Variants in WDR20 observed in about 807,000 individuals in gnomAD.
WDR20 encodes WD repeat domain 20, also known as WD repeat-containing protein 20.
WDR20 carries 3 observed loss-of-function variants against 38.7 expected under a neutral mutation model. That is an observed-to-expected ratio of 0.08 (90% CI 0.04 to 0.20). WDR20 has a LOEUF of 0.20. Ranked by LOEUF, WDR20 falls within the 10% of genes least tolerant of loss-of-function variation. The pLI is 1.00. For missense variants in WDR20, 559 were observed against 727.7 expected (o/e 0.77, Z 2.67); for synonymous variants, 298 against 285.6 (o/e 1.04, Z -0.44).
upstream of WDR20, chr14:102,139,770 C>G: frequency 8.6e-7 from 1 of 1,169,268 alleles, no homozygotes; most frequent in Non-Finnish European, 1.2e-6. Flanking sequence ...CAAGCCCACC[C>G]CTTCCCTTTG....
chr14:102,218,970 AAAGG>A (rs1166975630), downstream of WDR20, among the ~76,000 whole-genome samples: 1 of 152,172 alleles, frequency 6.6e-6, no homozygotes, highest in Non-Finnish European at 1.5e-5. Flanking sequence ...TCTCCCATGA[AAAGG>A]AAGCAGAAGG....
At chr14:102,158,352 C>T (rs1470891415) in intron 1 of WDR20, among the ~76,000 whole-genome samples, 2 of 152,040 alleles carry the variant, frequency 1.3e-5, no homozygotes, top group Non-Finnish European at 1.5e-5. Context: ...GGCTGGAGTG[C>T]AATGGCGTGA....
At chr14:102,144,997 C>T (rs995370807) in intron 1 of WDR20, among the ~76,000 whole-genome samples, 1 of 152,218 alleles carries the variant, frequency 6.6e-6, no homozygotes, top group African/African-American at 2.4e-5. Context: ...CTTAGAGCAT[C>T]TTGTGCTTTG....
At chr14:102,215,341 C>T (rs922580157), downstream of WDR20, among the ~76,000 whole-genome samples, 2 of 152,176 alleles carry the variant, frequency 1.3e-5, no homozygotes, top group Admixed American at 6.5e-5. Flanking sequence ...TCCTGGGCCA[C>T]GAGCTGGCTT....
At chr14:102,173,815 C>T (rs971342979) in intron 1 of WDR20, among the ~76,000 whole-genome samples, 3 of 151,924 alleles carry the variant, frequency 2.0e-5, no homozygotes, top group Non-Finnish European at 4.4e-5. Flanking sequence ...GAGGCCAAGG[C>T]GGGCAGATCA....
downstream of WDR20, chr14:102,212,953 A>C (rs1238086455): frequency 1.2e-5 from 12 of 1,018,410 alleles, no homozygotes; most frequent in Non-Finnish European, 1.3e-5. Flanking sequence ...GCGTGTACCA[A>C]ACCACAGAGA....
downstream of WDR20, among the ~76,000 whole-genome samples, chr14:102,217,353 C>G (rs1393629560): frequency 2.0e-5 from 3 of 152,178 alleles, no homozygotes; most frequent in Admixed American, 2.0e-4. Context: ...GCAGCGGAGC[C>G]CTTAGATGGT....
intron 1 of WDR20, among the ~76,000 whole-genome samples, chr14:102,172,641 G>A (rs1425224321): frequency 6.9e-6 from 1 of 145,504 alleles, no homozygotes; most frequent in African/African-American, 2.5e-5. Flanking sequence ...CTCCCGGACG[G>A]GGCGGCTGGC....
At chr14:102,178,786 C>T (rs2062732058) in intron 1 of WDR20, 1 of 152,064 alleles carries the variant, frequency 6.6e-6, no homozygotes, top group African/African-American at 2.4e-5. Context: ...GTTTCTATCT[C>T]ATCACAGCTC....
At chr14:102,223,562 A>G (rs1380773629) in exon 4 of WDR20, 1 of 152,616 alleles carries the variant, frequency 6.6e-6, no homozygotes, top group Non-Finnish European at 1.5e-5. Flanking sequence ...TTATATGTAT[A>G]AATATTGTAA....
At chr14:102,189,228 GAAGAAA>G (rs1238880619) in intron 1 of WDR20, among the ~76,000 whole-genome samples, 1 of 151,996 alleles carries the variant, frequency 6.6e-6, no homozygotes, top group Non-Finnish European at 1.5e-5. Context: ...TAATAGTAAT[GAAGAAA>G]AAGAAAAAGT....
intron 1 of WDR20, among the ~76,000 whole-genome samples, chr14:102,180,607 A>C (rs2063185649): frequency 6.6e-6 from 1 of 152,208 alleles, no homozygotes. Flanking sequence ...TGTGGGCAAC[A>C]AGAAAAGTGG....
chr14:102,214,722 C>A (rs1472192405), downstream of WDR20: 1 of 980,664 alleles, frequency 1.0e-6, no homozygotes. Flanking sequence ...TATTTTCATC[C>A]AATTTCTTGA....
At chr14:102,161,142 A>ATATATATATATATATATATATATATAT (rs1342924049) in intron 1 of WDR20, among the ~76,000 whole-genome samples, 1 of 16,050 alleles carries the variant, frequency 6.2e-5, no homozygotes, top group Non-Finnish European at 9.5e-5. Context: ...ATATATATAT[A>ATATATATATATATATATATATATATAT]TTTTTTTTTT....
At chr14:102,199,377 C>G (rs2059932588) in intron 2 of WDR20, among the ~76,000 whole-genome samples, 1 of 151,990 alleles carries the variant, frequency 6.6e-6, no homozygotes, top group Non-Finnish European at 1.5e-5. Context: ...GAAACTCAGG[C>G]TTCCTTTCCT....
At chr14:102,197,145 A>G (rs2059546673) in intron 2 of WDR20, among the ~76,000 whole-genome samples, 1 of 152,138 alleles carries the variant, frequency 6.6e-6, no homozygotes, top group Admixed American at 6.5e-5. Context: ...CATTTTACAG[A>G]TGAGGAAATA....
At chr14:102,214,809 TAATG>T (rs2063014044), downstream of WDR20, 1 of 980,264 alleles carries the variant, frequency 1.0e-6, no homozygotes, top group Non-Finnish European at 1.2e-6. Flanking sequence ...TTGCAATAAT[TAATG>T]AAACTTTAGT....
At position 102,177,102 on chromosome 14, in the gene WDR20, T is replaced by C. The variant is rs1327728156; in HGVS notation, c.250-17836T>C. ...GGTTCACTTTACTGATGACATCAAA[T>C]CCAAGCTAAGCCTAGTAAGTTACCC... On this transcript the variant is annotated intron_variant, in intron 1 of 2. Coordinates refer to ENST00000342702, the MANE Select transcript of WDR20 (RefSeq NM_144574.4). Among the ~76,000 whole-genome samples the C allele has an allele frequency of 6.6e-5, 10 of 152,296 alleles. No homozygotes were observed. In the South Asian group the frequency reaches 1.9e-3, roughly 28 times the overall value.
intron 1 of WDR20, among the ~76,000 whole-genome samples, chr14:102,175,206 C>G (rs2061794404): frequency 6.6e-6 from 1 of 152,144 alleles, no homozygotes; most frequent in African/African-American, 2.4e-5. Context: ...GTCTTTGATT[C>G]ATCTTGAGTT....
Sources: gnomAD v4.1 joint callset for allele counts (sites outside exome capture counted in the v4.1 genomes callset) on GRCh38, gnomAD v4.1.1 for gene constraint, MANE v1.5 for transcripts, NCBI Gene and HGNC (gene_info 2026-07-23, HGNC 2026-07-21) for gene names.